Variants in NLN observed in about 807,000 individuals in gnomAD.
NLN encodes neurolysin, mitochondrial.
Under a neutral mutation model 79.9 loss-of-function variants are expected in NLN, and 64 were observed. That is an observed-to-expected ratio of 0.80 (90% confidence interval 0.65 to 0.99). The LOEUF is 0.99. Ranked by LOEUF, NLN falls within the 50% of genes least tolerant of loss-of-function variation. The pLI is 0.00. For missense variants in NLN, 835 were observed against 858.7 expected (o/e 0.97, Z 0.34); for synonymous variants, 267 against 296.6 (o/e 0.90, Z 1.02).
rs545355012 is a variant in NLN at position 65,786,567 on chromosome 5, G to A, written c.958+657G>A. ...GGATTACAGAAAGGAGTAAAACAAG[G>A]TCCTTTTGGCTGGGCATGGCAGTTC... On this transcript the variant is annotated intron_variant, in intron 7 of 12. Transcript: ENST00000380985. Among the ~76,000 whole-genome samples, 3 of 152,256 alleles carry A rather than the reference G, an allele frequency of 2.0e-5. No individual in the cohort carries two copies. In the East Asian group the frequency reaches 5.8e-4, roughly 29 times the overall value.
intron 9 of NLN, among the ~76,000 whole-genome samples, chr5:65,801,688 C>G (rs1290795891): frequency 6.6e-6 from 1 of 152,224 alleles, no homozygotes; most frequent in Non-Finnish European, 1.5e-5. Flanking sequence ...CATTCATTTG[C>G]TGTGCTGTCT....
intron 3 of NLN, among the ~76,000 whole-genome samples, chr5:65,775,331 G>T (rs1435617677): frequency 6.6e-6 from 1 of 152,140 alleles, no homozygotes; most frequent in Non-Finnish European, 1.5e-5. Context: ...CTGAGCTCAT[G>T]GCCAAATGTG....
intron 9 of NLN, among the ~76,000 whole-genome samples, chr5:65,798,383 G>A (rs957697177): frequency 6.6e-6 from 1 of 152,174 alleles, no homozygotes; most frequent in Non-Finnish European, 1.5e-5. Context: ...ATTATTCATG[G>A]TCTGAATTTG....
At chr5:65,783,088 A>G (rs1383458467) in intron 6 of NLN, among the ~76,000 whole-genome samples, 1 of 152,188 alleles carries the variant, frequency 6.6e-6, no homozygotes, top group African/African-American at 2.4e-5. Context: ...AGTTAACTCA[A>G]ATAAGATAAA....
At chr5:65,779,658 T>C (rs1306878092) in intron 4 of NLN, among the ~76,000 whole-genome samples, 1 of 152,240 alleles carries the variant, frequency 6.6e-6, no homozygotes, top group Non-Finnish European at 1.5e-5. Context: ...ATTTATTGTG[T>C]ATGTACTATG....
chr5:65,740,540 G>T (rs1228598575), intron 1 of NLN, among the ~76,000 whole-genome samples: 1 of 152,132 alleles, frequency 6.6e-6, no homozygotes, highest in Non-Finnish European at 1.5e-5. Flanking sequence ...TAGTTTCACA[G>T]TTTAGGATCT....
In NLN at chr5:65,788,523, T is replaced by C. The variant is rs1385572331; in HGVS notation, c.1325+39T>C. On this transcript the variant is annotated intron_variant, in intron 8 of 12. Coordinates refer to ENST00000380985, the MANE Select transcript of NLN (RefSeq NM_020726.5). ...CGTTGTTGGAAGGGACCTTAGGGAT[T>C]CAGCTATGCCTACTTTAAGACTCTA... 1.9e-6 allele frequency: 3 copies of C among 1,584,728 alleles called. 1 individual carries two copies. In the South Asian group the frequency reaches 3.5e-5, roughly 18 times the overall value.
At chr5:65,752,588 A>G (rs1219263690) in intron 1 of NLN, among the ~76,000 whole-genome samples, 2 of 152,196 alleles carry the variant, frequency 1.3e-5, no homozygotes, top group Admixed American at 1.3e-4. Context: ...TTTCCCACCC[A>G]GGTGCAGTTC....
intron 6 of NLN, among the ~76,000 whole-genome samples, chr5:65,784,396 AT>A (rs1759869551): frequency 6.6e-6 from 1 of 152,180 alleles, no homozygotes; most frequent in Non-Finnish European, 1.5e-5. Flanking sequence ...GCCTTAGTTC[AT>A]TTGTGCTGCT....
At chr5:65,775,945 A>G (rs1032537541) in intron 3 of NLN, among the ~76,000 whole-genome samples, 1 of 152,226 alleles carries the variant, frequency 6.6e-6, no homozygotes, top group African/African-American at 2.4e-5. Flanking sequence ...CAAATGCCTT[A>G]GTACTGTAAC....
At chr5:65,779,391 T>C (rs1445588990) in intron 4 of NLN, among the ~76,000 whole-genome samples, 1 of 152,138 alleles carries the variant, frequency 6.6e-6, no homozygotes, top group African/African-American at 2.4e-5. Flanking sequence ...TTCCTTCTTA[T>C]TGCTTCATTT....
At chr5:65,749,179 T>A (rs373265853) in intron 1 of NLN, among the ~76,000 whole-genome samples, 2 of 152,188 alleles carry the variant, frequency 1.3e-5, no homozygotes. Flanking sequence ...TATCCAGTCT[T>A]GGGTATTTCT....
rs578110852 is a variant in NLN, at chr5:65,791,778, G to C, written c.1326-676G>C. On this transcript the variant is annotated intron_variant, in intron 8 of 12. Coordinates refer to ENST00000380985, the MANE Select transcript of NLN (RefSeq NM_020726.5). ...ATTAGTCTTCTGAGCAAAAGAAAAGGGGGAAAGGACACGTACTCCCAAAAT... is the reference window on the plus strand; with the variant it reads ...ATTAGTCTTCTGAGCAAAAGAAAAGCGGGAAAGGACACGTACTCCCAAAAT... Among the ~76,000 whole-genome samples, 23 of 152,176 alleles carry C rather than the reference G, an allele frequency of 1.5e-4. No homozygotes were observed. In the East Asian group the frequency reaches 4.2e-3, roughly 28 times the overall value.
chr5:65,803,823 G>C (rs1402510109), intron 9 of NLN, among the ~76,000 whole-genome samples: 1 of 152,140 alleles, frequency 6.6e-6, no homozygotes, highest in Non-Finnish European at 1.5e-5. Flanking sequence ...GGACTTTTCT[G>C]CCTGTTCCTG....
Position 65,785,903 on chromosome 5 carries a change from C to T in NLN, c.951C>T (p.Ala317=). The T allele has an allele frequency of 1.9e-6, 3 of 1,609,774 alleles. No homozygotes were observed. The highest frequency in any genetic ancestry group is 2.5e-6 in the Non-Finnish European group (3 of 1,178,312). Reference sequence around the variant, plus strand: ...CAAAGAGCACAAGCCGCGTAACAGCCTTTCTAGGTTAGTTCTTTTTTTTTT... The same window carrying T: ...CAAAGAGCACAAGCCGCGTAACAGCTTTTCTAGGTTAGTTCTTTTTTTTTT... ...NTAKSTSRVT[A]FLDDLSQKLK... is the part of the protein sequence containing the mutation. Residue 317 remains alanine (A), a synonymous_variant, in exon 7 of 13, where the codon GCC becomes GCT. Coordinates refer to ENST00000380985, the MANE Select transcript of NLN (RefSeq NM_020726.5).
chr5:65,820,706 G>T (rs761065261), intron 12 of NLN, among the ~76,000 whole-genome samples: 1 of 146,936 alleles, frequency 6.8e-6, no homozygotes, highest in Non-Finnish European at 1.5e-5. Context: ...GAACAGGCAA[G>T]AAATGACATG....
At chr5:65,749,532 G>A (rs1579921105) in intron 1 of NLN, among the ~76,000 whole-genome samples, 1 of 152,186 alleles carries the variant, frequency 6.6e-6, no homozygotes, top group Non-Finnish European at 1.5e-5. Context: ...GGTTGAGGAT[G>A]TAGGGTAGGG....
intron 8 of NLN, among the ~76,000 whole-genome samples, chr5:65,792,191 C>T (rs560979324): frequency 2.0e-5 from 3 of 152,118 alleles, no homozygotes; most frequent in Admixed American, 6.5e-5. Context: ...ATTCAGCTGT[C>T]GGTGTGACAT....
intron 9 of NLN, among the ~76,000 whole-genome samples, chr5:65,807,710 G>A (rs1021252325): frequency 6.6e-6 from 1 of 152,174 alleles, no homozygotes; most frequent in Non-Finnish European, 1.5e-5. Context: ...AGAGTGCTGG[G>A]ATTACAGGCG....
Sources: gnomAD v4.1 joint callset for allele counts (sites outside exome capture counted in the v4.1 genomes callset) on GRCh38, gnomAD v4.1.1 for gene constraint, MANE v1.5 for transcripts, NCBI Gene and HGNC (gene_info 2026-07-23, HGNC 2026-07-21) for gene names.